The following DPP6 variants were observed in gnomAD, a reference collection of about 807,000 sequenced individuals.
DPP6 encodes dipeptidyl peptidase like 6.
In DPP6, 69 loss-of-function variants were observed where a neutral mutation model predicts 122.6. The observed-to-expected ratio is 0.56, with a 90% CI of 0.46 to 0.69. DPP6 has a LOEUF of 0.69. Ranked by LOEUF, DPP6 falls within the 30% of genes least tolerant of loss-of-function variation. The pLI is 0.00. For synonymous variants in DPP6, 418 were observed against 433.1 expected (o/e 0.97, Z 0.43); for missense variants, 928 against 1,116.9 (o/e 0.83, Z 2.41).
In DPP6 at chr7:154,892,401, T is replaced by A. The variant is rs767079091; in HGVS notation, c.2519T>A (p.Ile840Asn). 4.6e-5 allele frequency: 74 copies of A among 1,613,924 alleles called. 1 individual carries two copies. In the South Asian group the frequency reaches 8.0e-4, roughly 17 times the overall value. ...SLKQHLYRSI[I>N]NFFVECFRIQ... is the part of the protein sequence containing the mutation. ...AAACAGCATCTGTACCGGTCCATCA[T>A]CAACTTCTTCGTGGAATGCTTCAGG... Residue 840 changes from isoleucine to asparagine, a missense_variant, in exon 26 of 26, where the codon ATC becomes AAC. By Grantham distance (149) the Ile-to-Asn change is moderately radical (BLOSUM62 -3). Transcript: ENST00000377770.
At chr7:154,764,362 C>A (rs1367093128) in intron 8 of DPP6, among the ~76,000 whole-genome samples, 1 of 152,176 alleles carries the variant, frequency 6.6e-6, no homozygotes, top group East Asian at 1.9e-4. Context: ...GAGATCTCCA[C>A]TCCAGCCAGC....
At chr7:153,876,695 A>G in the DPP6 span, among the ~76,000 whole-genome samples, 21 of 152,170 alleles carry the variant, frequency 1.4e-4, no homozygotes, top group South Asian at 8.3e-4. Flanking sequence ...TATGAACCCA[A>G]CATTCAGTGA....
chr7:153,945,748 G>C (rs1373240232), intron 1 of DPP6, among the ~76,000 whole-genome samples: 3 of 152,166 alleles, frequency 2.0e-5, no homozygotes, highest in African/African-American at 7.2e-5. Flanking sequence ...AAATAGCCCA[G>C]GTATTAAAGG....
intron 1 of DPP6, among the ~76,000 whole-genome samples, chr7:154,356,290 T>A (rs1207451338): frequency 6.6e-6 from 1 of 152,256 alleles, no homozygotes; most frequent in Non-Finnish European, 1.5e-5. Flanking sequence ...TTTGGATGTT[T>A]ATTTTTCCTG....
At chr7:154,569,341 A>T (rs1479677283) in intron 5 of DPP6, among the ~76,000 whole-genome samples, 1 of 152,038 alleles carries the variant, frequency 6.6e-6, no homozygotes, top group African/African-American at 2.4e-5. Flanking sequence ...TAAAAATATT[A>T]TCCATTGGTA....
chr7:153,987,781 A>G (rs1490479447), intron 1 of DPP6, among the ~76,000 whole-genome samples: 1 of 152,110 alleles, frequency 6.6e-6, no homozygotes, highest in East Asian at 1.9e-4. Flanking sequence ...ATTTAAATAT[A>G]GAGTTCAGTA....
At chr7:154,538,323 G>A (rs903846131) in intron 3 of DPP6, among the ~76,000 whole-genome samples, 2 of 152,086 alleles carry the variant, frequency 1.3e-5, no homozygotes, top group Non-Finnish European at 2.9e-5. Flanking sequence ...GTGGTTTGCT[G>A]CACCTATCAA....
At chr7:154,374,757 G>A (rs1048861804) in intron 1 of DPP6, among the ~76,000 whole-genome samples, 2 of 151,694 alleles carry the variant, frequency 1.3e-5, no homozygotes, top group Non-Finnish European at 2.9e-5. Flanking sequence ...GACTACAGGC[G>A]CCTGCCACCA....
intron 3 of DPP6, among the ~76,000 whole-genome samples, chr7:154,515,961 GAAAAGGTCTT>G (rs1462648660): frequency 2.6e-5 from 4 of 152,158 alleles, no homozygotes; most frequent in African/African-American, 9.7e-5. Flanking sequence ...TCTATTCATT[GAAAAGGTCTT>G]CAGAGCTCAG....
intron 3 of DPP6, among the ~76,000 whole-genome samples, chr7:154,487,208 T>C (rs1395842296): frequency 6.6e-6 from 1 of 152,154 alleles, no homozygotes; most frequent in Admixed American, 6.5e-5. Flanking sequence ...TACGTACATA[T>C]TTTTTTCTCT....
At position 154,569,766 on chromosome 7, in the gene DPP6, G is replaced by A. The variant is rs117443113; in HGVS notation, c.627+2850G>A. ...AAAAAATCCTACTATCCCACATTTC[G>A]TCAGGATAATTATAATCTCTTCAAT... On this transcript the variant is annotated intron_variant, in intron 5 of 25. Transcript: ENST00000377770. Among the ~76,000 whole-genome samples the A allele has an allele frequency of 1.8e-4, 27 of 150,314 alleles. No homozygotes were observed. In the East Asian group the frequency reaches 3.7e-3, roughly 21 times the overall value.
intron 1 of DPP6, among the ~76,000 whole-genome samples, chr7:154,012,680 T>A (rs963658678): frequency 6.6e-6 from 1 of 152,162 alleles, no homozygotes; most frequent in Non-Finnish European, 1.5e-5. Flanking sequence ...ATTTAAATCA[T>A]TGAACAGTTC....
At chr7:154,626,584 A>C (rs1325808078) in intron 5 of DPP6, among the ~76,000 whole-genome samples, 1 of 152,224 alleles carries the variant, frequency 6.6e-6, no homozygotes, top group Non-Finnish European at 1.5e-5. Context: ...TGGGTGTGGT[A>C]TGGAAGTAGA....
At chr7:154,193,434 G>GTAAAAATTT (rs1363565130) in intron 1 of DPP6, among the ~76,000 whole-genome samples, 1 of 152,194 alleles carries the variant, frequency 6.6e-6, no homozygotes, top group Non-Finnish European at 1.5e-5. Context: ...AGTAAATAGA[G>GTAAAAATTT]GGGCACAGTT....
At chr7:153,847,774 C>T in the DPP6 span, among the ~76,000 whole-genome samples, 124 of 152,262 alleles carry the variant, frequency 8.1e-4, 1 homozygote, top group African/African-American at 2.8e-3. Context: ...ATCCATCTAT[C>T]GCCTTCTATA....
intron 7 of DPP6, among the ~76,000 whole-genome samples, chr7:154,679,528 G>A (rs1839153292): frequency 6.6e-6 from 1 of 152,142 alleles, no homozygotes; most frequent in Admixed American, 6.5e-5. Flanking sequence ...TTACAGCCTG[G>A]CTCAGGGTTA....
intron 7 of DPP6, among the ~76,000 whole-genome samples, chr7:154,685,494 C>G (rs907367835): frequency 1.3e-5 from 2 of 152,178 alleles, no homozygotes; most frequent in African/African-American, 2.4e-5. Context: ...TGATGTACAA[C>G]CATGTCTGAG....
At chr7:154,575,219 G>GT (rs1831490607) in intron 5 of DPP6, among the ~76,000 whole-genome samples, 1 of 123,802 alleles carries the variant, frequency 8.1e-6, no homozygotes, top group Non-Finnish European at 1.7e-5. Context: ...GTGTGTGTGT[G>GT]GTGTGGTGTG....
chr7:154,272,464 T>A (rs1407095063), intron 1 of DPP6, among the ~76,000 whole-genome samples: 1 of 152,200 alleles, frequency 6.6e-6, no homozygotes, highest in African/African-American at 2.4e-5. Flanking sequence ...GAAGGTGGCA[T>A]TACCAGTACT....
Sources: gnomAD v4.1 joint callset for allele counts (sites outside exome capture counted in the v4.1 genomes callset) on GRCh38, gnomAD v4.1.1 for gene constraint, MANE v1.5 for transcripts, NCBI Gene and HGNC (gene_info 2026-07-23, HGNC 2026-07-21) for gene names.